Variants in PRDM15 observed in about 807,000 individuals in gnomAD.
PRDM15 encodes PR domain zinc finger protein 15.
PRDM15 carries 64 observed loss-of-function variants against 128.6 expected under a neutral mutation model. That is an observed-to-expected ratio of 0.50 (90% CI 0.41 to 0.61). The LOEUF (loss-of-function observed/expected upper bound fraction) is 0.61. Among genes scored for constraint, PRDM15 ranks in the 20% least tolerant of loss-of-function variants. The pLI is 0.00. For synonymous variants in PRDM15, 615 were observed against 621.8 expected (o/e 0.99, Z 0.16); for missense variants, 1,242 against 1,569.1 (o/e 0.79, Z 3.52).
chr21:41,863,461 T>A (rs1267572667), intron 1 of PRDM15, among the ~76,000 whole-genome samples: 2 of 152,178 alleles, frequency 1.3e-5, no homozygotes, highest in Non-Finnish European at 2.9e-5. Flanking sequence ...ACAATTTATA[T>A]GACTACTACT....
intron 11 of PRDM15, among the ~76,000 whole-genome samples, chr21:41,830,315 ACTC>A (rs1395038951): frequency 7.9e-5 from 12 of 151,146 alleles, no homozygotes; most frequent in Non-Finnish European, 1.6e-4. Context: ...CACAACACAT[ACTC>A]AACACATACA....
chr21:41,847,231 C>A, intron 5 of PRDM15, 40 bp from the exon 6 acceptor site: 1 of 1,399,880 alleles, frequency 7.1e-7, no homozygotes, highest in Non-Finnish European at 9.9e-7. Flanking sequence ...GACCCCCAAG[C>A]AGCTCATATG....
Position 41,835,970 on chromosome 21 carries a change from CCCACTCTCCTCCCTCCCCCACAGCCCCCG to C in PRDM15, c.1278+114_1278+142del, listed in dbSNP as rs1427169064. On this transcript the variant is annotated intron_variant, in intron 10 of 23. Transcript: ENST00000398548. ...TCTCCTCCCTCCCCCACAGCCCCCG[CCCACTCTCCTCCCTCCCCCACAGCCCCCG>C]CCCACTCTCCTCCCTCCTGGGATTC... 224 of 320,576 alleles carry C rather than the reference CCCACTCTCCTCCCTCCCCCACAGCCCCCG, an allele frequency of 7.0e-4. 5 individuals are homozygous for C. In the Middle Eastern group the frequency reaches 0.017, roughly 25 times the overall value. The allele number at this position is 320,576 out of a possible 1,614,324, so 19.9% of individuals were successfully genotyped here. A position where few individuals can be genotyped will look rare whatever the true frequency, so the allele number is the denominator to read the frequency against.
intron 6 of PRDM15, among the ~76,000 whole-genome samples, chr21:41,843,862 T>C (rs982944354): frequency 1.3e-5 from 2 of 149,868 alleles, no homozygotes; most frequent in African/African-American, 4.9e-5. Flanking sequence ...AATGAGAGGA[T>C]CATTTGAGCC....
At position 41,857,362 on chromosome 21, in the gene PRDM15, A is replaced by G. The variant is rs2063666750; in HGVS notation, c.132-33T>C. ...TGGAATAAAACAAGACTCAAAAGAG[A>G]GCACTCACACCCAGGGACCGACTCG... On this transcript the variant is annotated intron_variant, in intron 3 of 23. Transcript: ENST00000398548. 3 of 1,611,840 alleles carry G rather than the reference A, an allele frequency of 1.9e-6. No homozygotes were observed. In the East Asian group the frequency reaches 6.7e-5, roughly 36 times the overall value.
chr21:41,851,354 C>T (rs759037544), intron 5 of PRDM15, among the ~76,000 whole-genome samples: 1 of 152,236 alleles, frequency 6.6e-6, no homozygotes, highest in Non-Finnish European at 1.5e-5. Flanking sequence ...ATTTCTGAGA[C>T]GCAGGCAGCG....
rs762181676 is a variant in PRDM15 at position 41,854,582 on chromosome 21, G to C, written c.522C>G (p.Ala174=). 1 of 1,613,302 alleles carries C rather than the reference G, an allele frequency of 6.2e-7. No homozygotes were observed. The highest frequency in any genetic ancestry group is 1.1e-5 in the South Asian group (1 of 91,090). The change falls in exon 5 of 24, where the codon GCC becomes GCG. Residue 174 remains alanine (A), a synonymous_variant. Coordinates refer to ENST00000398548, the MANE Select transcript of PRDM15 (RefSeq NM_001040424.3). This position sits in a 1 kb window ranked among gnomAD's most constrained non-coding sequence, Gnocchi z 4.6. ...KKMDKPMLKQ[A]GSGVHAAGTP... is the part of the protein sequence containing the mutation. ...GCCACATACCGTGGACGCCAGAGCC[G>C]GCCTGCTTCAGCATGGGCTTGTCCA...
intron 21 of PRDM15, among the ~76,000 whole-genome samples, chr21:41,806,765 C>T (rs924905822): frequency 3.0e-4 from 45 of 150,844 alleles, no homozygotes; most frequent in African/African-American, 1.1e-3. Context: ...CCGCCACCAC[C>T]ATCACTACCA....
rs368293654 is a variant in PRDM15, at chr21:41,809,149, C to T, written c.2652+1005G>A. 2.5e-4 allele frequency among the ~76,000 whole-genome samples: 38 copies of T among 152,246 alleles called. 1 individual carries two copies. In the East Asian group the frequency reaches 2.9e-3, roughly 12 times the overall value. On this transcript the variant is annotated intron_variant, in intron 21 of 23. Transcript: ENST00000398548. The stretch of plus-strand genomic sequence containing the variant: ...CTCCGTGTACACCCTGAGTGCGCTT[C>T]GCGTGTTTCTCAGTGAGTGCTTGTT...
At position 41,809,234 on chromosome 21, in the gene PRDM15, CTTTTTTTT is replaced by C. The variant is rs71332340; in HGVS notation, c.2652+912_2652+919del. Among the ~76,000 whole-genome samples the C allele has an allele frequency of 1.5e-4, 21 of 135,724 alleles. 1 individual carries two copies. Among genetic ancestry groups the C allele is most frequent in the Admixed American group, 1.1e-3 (15 of 13,482 alleles). 89.0% of individuals were successfully genotyped at this position (135,724 alleles called of 152,430 possible). ...CAGCCATGGCCTATGCAAATTTTTT[CTTTTTTTT>C]TTTTTTTTGAGATGGAATCTCGTTC... On this transcript the variant is annotated intron_variant, in intron 21 of 23. Transcript: ENST00000398548.
At chr21:41,867,116 C>T (rs552692408) in intron 1 of PRDM15, among the ~76,000 whole-genome samples, 3 of 151,926 alleles carry the variant, frequency 2.0e-5, no homozygotes, top group South Asian at 2.1e-4. Flanking sequence ...GGGAGATGCC[C>T]GACACCCTCA....
chr21:41,859,149 G>C lies in PRDM15; in HGVS notation c.131+443C>G. 5 of 1,613,684 alleles carry C rather than the reference G, an allele frequency of 3.1e-6. No individual in the cohort carries two copies. The highest frequency in any genetic ancestry group is 4.2e-6 in the Non-Finnish European group (5 of 1,179,970). ...GGGACTGCTTCTGGAAGCTGCTGTG[G>C]GTCAGCCCTGTCCCTGTCCTCATAA... On this transcript the variant is annotated intron_variant, in intron 3 of 23. Coordinates refer to ENST00000398548, the MANE Select transcript of PRDM15 (RefSeq NM_001040424.3). This position sits in a 1 kb window ranked among gnomAD's most constrained non-coding sequence, Gnocchi z 5.3.
In PRDM15 at chr21:41,823,439, C is replaced by G; in HGVS notation, c.1640G>C (p.Cys547Ser). ...CAGGTGCTTGTTCATATTGCTCCGG[C>G]AGGAGAACACCTGTGGCAGAGGAGC... ...GCPVCGKVFS[C>S]RSNMNKHLLT... Residue 547 changes from cysteine (C) to serine (S), a missense_variant, in exon 14 of 24, where the codon TGC (cysteine) becomes TCC (serine). Coordinates refer to ENST00000398548, the MANE Select transcript of PRDM15 (RefSeq NM_001040424.3). 6.4e-7 allele frequency: 1 copy of G among 1,552,018 alleles called. No homozygotes were observed. Among genetic ancestry groups the G allele is most frequent in the Non-Finnish European group, 8.7e-7 (1 of 1,147,930 alleles).
intron 14 of PRDM15, among the ~76,000 whole-genome samples, chr21:41,822,916 T>C (rs1264618720): frequency 6.6e-6 from 1 of 152,088 alleles, no homozygotes; most frequent in African/African-American, 2.4e-5. Flanking sequence ...ATGCTTATAG[T>C]TCCAGCTACT....
chr21:41,858,764 T>G, intron 3 of PRDM15, among the ~76,000 whole-genome samples: 1 of 144,930 alleles, frequency 6.9e-6, no homozygotes, highest in Non-Finnish European at 1.5e-5. Context: ...AAGAGGGGGG[T>G]TGATGGGAAG....
intron 10 of PRDM15, among the ~76,000 whole-genome samples, 175 bp downstream of exon 10, chr21:41,835,938 T>C (rs936621650): frequency 8.5e-4 from 22 of 25,932 alleles, no homozygotes; most frequent in Admixed American, 1.5e-3. Flanking sequence ...CCACAGGGTT[T>C]GGCCGCTCTC....
In PRDM15 at chr21:41,837,956, T is replaced by C. The variant is rs1718843737; in HGVS notation, c.979A>G (p.Thr327Ala). 6.2e-7 allele frequency: 1 copy of C among 1,613,610 alleles called. No individual in the cohort carries two copies. The highest frequency in any genetic ancestry group is 8.5e-7 in the Non-Finnish European group (1 of 1,179,724). ...LVLGKLATTT[T>A]DTSSVPKFTH... ...TACTTTGGAACCGAGCTGGTGTCAGTGGTGGTGGTGGCCAGCTTCCCCAGA... is the reference window on the plus strand; with the variant it reads ...TACTTTGGAACCGAGCTGGTGTCAGCGGTGGTGGTGGCCAGCTTCCCCAGA... Residue 327 changes from threonine (T) to alanine (A), a missense_variant, in exon 8 of 24, where the codon ACT (threonine) becomes GCT (alanine). Coordinates refer to ENST00000398548, the MANE Select transcript of PRDM15 (RefSeq NM_001040424.3).
At chr21:41,851,126 T>TA (rs2063415736) in intron 5 of PRDM15, among the ~76,000 whole-genome samples, 1 of 56,016 alleles carries the variant, frequency 1.8e-5, no homozygotes, top group Non-Finnish European at 3.7e-5. Context: ...GGTACAACAA[T>TA]GCACAAAAGG....
intron 22 of PRDM15, among the ~76,000 whole-genome samples, chr21:41,803,882 T>C (rs926107853): frequency 1.3e-5 from 2 of 152,160 alleles, no homozygotes; most frequent in Middle Eastern, 3.4e-3. Flanking sequence ...TAGTATTAAC[T>C]AAAAATTTCT....
Sources: allele counts gnomAD v4.1 joint callset (sites outside exome capture counted in the v4.1 genomes callset), GRCh38; gene constraint gnomAD v4.1.1; non-coding constraint Gnocchi (gnomAD v3.1); transcripts MANE v1.5; gene names NCBI Gene and HGNC (gene_info 2026-07-23, HGNC 2026-07-21).